The following EYS variants were observed in gnomAD, a reference collection of about 807,000 sequenced individuals.
The protein encoded by EYS is protein eyes shut homolog.
EYS carries 250 observed loss-of-function variants against 282.1 expected under a neutral mutation model. The ratio of observed to expected loss-of-function variants is 0.89; its 90% CI spans 0.80 to 0.98. The LOEUF (loss-of-function observed/expected upper bound fraction) is 0.98, where lower values mean the gene tolerates loss of function less well. Ranked by LOEUF, EYS falls within the 50% of genes least tolerant of loss-of-function variation. The probability of loss-of-function intolerance (pLI) is 0.00; values close to 1 mark genes in which losing one functional copy is unlikely to be tolerated. For missense variants in EYS, 4,016 were observed against 3,709.0 expected (o/e 1.08, Z -2.15); for synonymous variants, 1,355 against 1,282.9 (o/e 1.06, Z -1.20).
chr6:64,612,167 A>T (rs1034245773), intron 24 of EYS, among the ~76,000 whole-genome samples: 3 of 152,216 alleles, frequency 2.0e-5, no homozygotes, highest in Non-Finnish European at 4.4e-5. Context: ...TAGAACTCAG[A>T]ACCCTTTTTT....
intron 1 of EYS, among the ~76,000 whole-genome samples, chr6:65,692,823 T>C (rs1211975410): frequency 1.3e-5 from 2 of 150,238 alleles, no homozygotes; most frequent in African/African-American, 4.8e-5. Context: ...TACTTTGCAT[T>C]ATATTTTGTT....
chr6:64,159,134 A>T (rs1257743412), intron 31 of EYS, among the ~76,000 whole-genome samples: 1 of 152,188 alleles, frequency 6.6e-6, no homozygotes, highest in East Asian at 1.9e-4. Flanking sequence ...ATAAAATGGC[A>T]CACTATTTGC....
chr6:65,461,534 C>T (rs1036600304), intron 5 of EYS, among the ~76,000 whole-genome samples: 1 of 152,092 alleles, frequency 6.6e-6, no homozygotes, highest in African/African-American at 2.4e-5. Context: ...TTCTGGCCTT[C>T]TGCTTCTGTT....
chr6:64,633,674 C>G (rs7745828), intron 22 of EYS, among the ~76,000 whole-genome samples: 2 of 149,882 alleles, frequency 1.3e-5, no homozygotes, highest in South Asian at 2.1e-4. Flanking sequence ...TAACCCCCAT[C>G]ATTGGAAAGT....
intron 26 of EYS, among the ~76,000 whole-genome samples, chr6:64,568,011 T>C (rs1046608804): frequency 6.6e-6 from 1 of 152,146 alleles, no homozygotes; most frequent in Non-Finnish European, 1.5e-5. Context: ...AACATGGCAT[T>C]CTCCATGAGT....
chr6:63,754,571 T>C (rs189205102), intron 41 of EYS, among the ~76,000 whole-genome samples: 1 of 152,342 alleles, frequency 6.6e-6, no homozygotes, highest in East Asian at 1.9e-4. Flanking sequence ...TGTGCCACAT[T>C]TTCTTTATCC....
intron 22 of EYS, among the ~76,000 whole-genome samples, chr6:64,627,792 C>A (rs184681647): frequency 6.6e-6 from 1 of 152,190 alleles, no homozygotes; most frequent in African/African-American, 2.4e-5. Flanking sequence ...ATAAGACTTG[C>A]TTTAGGGCCG....
chr6:64,913,764 T>C (rs996685113), intron 15 of EYS, among the ~76,000 whole-genome samples: 1 of 152,160 alleles, frequency 6.6e-6, no homozygotes, highest in African/African-American at 2.4e-5. Context: ...TTTATTTGGG[T>C]GGATGCTCAT....
chr6:65,210,781 A>G (rs1376549142), intron 12 of EYS, among the ~76,000 whole-genome samples: 1 of 152,038 alleles, frequency 6.6e-6, no homozygotes. Flanking sequence ...TTTATAATAT[A>G]TTTAATGAGA....
chr6:65,682,912 G>A (rs1037344794), intron 1 of EYS, among the ~76,000 whole-genome samples: 8 of 151,892 alleles, frequency 5.3e-5, no homozygotes, highest in South Asian at 4.1e-4. Context: ...ATATAAACGC[G>A]GTCATGGCAG....
intron 2 of EYS, among the ~76,000 whole-genome samples, chr6:65,520,871 C>T (rs1354505060): frequency 6.6e-6 from 1 of 151,838 alleles, no homozygotes; most frequent in Non-Finnish European, 1.5e-5. Flanking sequence ...GAAGGGTAGT[C>T]CAATTTTAGT....
At chr6:64,376,098 A>G (rs1392980712) in intron 29 of EYS, among the ~76,000 whole-genome samples, 2 of 152,236 alleles carry the variant, frequency 1.3e-5, no homozygotes, top group Non-Finnish European at 2.9e-5. Context: ...CATTTCAAAG[A>G]GTATGTACCA....
At chr6:65,491,013 A>G (rs1766023808) in intron 4 of EYS, among the ~76,000 whole-genome samples, 1 of 152,036 alleles carries the variant, frequency 6.6e-6, no homozygotes, top group African/African-American at 2.4e-5. Context: ...GATAATATTC[A>G]TATATTTAAG....
chr6:64,205,051 T>A (rs1482899701), intron 31 of EYS, among the ~76,000 whole-genome samples: 1 of 152,136 alleles, frequency 6.6e-6, no homozygotes. Context: ...GTTATAAGGA[T>A]TCTTTCAGCT....
At chr6:63,882,427 C>T (rs1773156380) in intron 35 of EYS, among the ~76,000 whole-genome samples, 1 of 152,178 alleles carries the variant, frequency 6.6e-6, no homozygotes, top group African/African-American at 2.4e-5. Context: ...GGCAGAGGAG[C>T]AGGCCTTCCA....
intron 26 of EYS, among the ~76,000 whole-genome samples, chr6:64,470,393 A>G (rs539448311): frequency 6.6e-6 from 1 of 152,350 alleles, no homozygotes; most frequent in South Asian, 2.1e-4. Flanking sequence ...TGAATGAGAA[A>G]TTAAAAAACA....
At chr6:63,855,167 T>C (rs1184621578) in intron 36 of EYS, among the ~76,000 whole-genome samples, 3 of 152,228 alleles carry the variant, frequency 2.0e-5, no homozygotes, top group Non-Finnish European at 4.4e-5. Flanking sequence ...TACTGTGTAG[T>C]GATCTAAAGA....
intron 14 of EYS, among the ~76,000 whole-genome samples, chr6:64,965,606 AC>A (rs1464838245): frequency 1.3e-5 from 2 of 152,112 alleles, no homozygotes; most frequent in Non-Finnish European, 2.9e-5. Flanking sequence ...ACTCATGAGT[AC>A]CCCCATGAGT....
At chr6:64,389,028 TAC>T (rs34520305) in intron 28 of EYS, among the ~76,000 whole-genome samples, 188 bp from the exon 29 acceptor site, 4,717 of 152,254 alleles carry the variant, frequency 0.031, 228 homozygotes, top group African/African-American at 0.11. Flanking sequence ...AACACAAAGT[TAC>T]AGTTTGACAA....
Sources: gnomAD v4.1 joint callset for allele counts (sites outside exome capture counted in the v4.1 genomes callset) on GRCh38, gnomAD v4.1.1 for gene constraint, MANE v1.5 for transcripts, NCBI Gene and HGNC (gene_info 2026-07-23, HGNC 2026-07-21) for gene names.